PCDH15: variants seen among roughly 807,000 people sequenced by gnomAD.
PCDH15 encodes the protein protocadherin related 15.
Under a neutral mutation model 178.5 loss-of-function variants are expected in PCDH15, and 129 were observed. The ratio of observed to expected loss-of-function variants is 0.72; its 90% confidence interval spans 0.63 to 0.84. PCDH15 has a LOEUF of 0.84. Among genes scored for constraint, PCDH15 ranks in the 40% least tolerant of loss-of-function variants. The pLI, the probability that PCDH15 is intolerant of heterozygous loss-of-function variation, is 0.00. For synonymous variants in PCDH15, 800 were observed against 732.0 expected (o/e 1.09, Z -1.50); for missense variants, 2,230 against 2,099.9 (o/e 1.06, Z -1.21).
At chr10:54,596,758 G>T (rs2092261483) in intron 2 of PCDH15, among the ~76,000 whole-genome samples, 1 of 151,988 alleles carries the variant, frequency 6.6e-6, no homozygotes, top group South Asian at 2.1e-4. Context: ...AAAAAAATCT[G>T]CCATGCAAAG....
intron 10 of PCDH15, among the ~76,000 whole-genome samples, chr10:54,208,769 C>T (rs2051092036): frequency 6.6e-6 from 1 of 151,918 alleles, no homozygotes; most frequent in Non-Finnish European, 1.5e-5. Flanking sequence ...GTGTTTCATT[C>T]TTGCCATAAG....
intron 2 of PCDH15, among the ~76,000 whole-genome samples, chr10:55,578,227 TA>T (rs1447322698): frequency 2.0e-4 from 30 of 152,218 alleles, no homozygotes; most frequent in Admixed American, 1.1e-3. Context: ...TTTATTTTAT[TA>T]TTTTTTTGAG....
rs185084457 is a variant in PCDH15, at chr10:53,903,036, C to T, written c.3501+207G>A. Among the ~76,000 whole-genome samples the T allele has an allele frequency of 0.02, 3,020 of 152,112 alleles. 96 individuals are homozygous for T. The highest frequency in any genetic ancestry group is 0.065 in the African/African-American group (2,718 of 41,526). ...ATCGTAAGTATTTTGTTACCATTTTCATAGTAAAATGAAACTCAAGAAGTT... is the reference window on the plus strand; with the variant it reads ...ATCGTAAGTATTTTGTTACCATTTTTATAGTAAAATGAAACTCAAGAAGTT... On this transcript the variant is annotated intron_variant, in intron 26 of 37. Coordinates refer to ENST00000644397, the MANE Select transcript of PCDH15 (RefSeq NM_001384140.1).
chr10:54,317,872 G>C (rs2061376240), intron 7 of PCDH15, among the ~76,000 whole-genome samples: 1 of 152,212 alleles, frequency 6.6e-6, no homozygotes, highest in African/African-American at 2.4e-5. Flanking sequence ...ACAGTTTTAA[G>C]TGGTTGAGTC....
At chr10:54,206,096 C>G (rs909184080) in intron 10 of PCDH15, among the ~76,000 whole-genome samples, 1 of 152,060 alleles carries the variant, frequency 6.6e-6, no homozygotes, top group African/African-American at 2.4e-5. Flanking sequence ...TACTTTCTAT[C>G]TTCACTTCAA....
intron 1 of PCDH15, among the ~76,000 whole-genome samples, chr10:55,313,811 A>AT (rs1489637291): frequency 6.6e-6 from 1 of 152,158 alleles, no homozygotes; most frequent in African/African-American, 2.4e-5. Context: ...TGGACCAATT[A>AT]TGTTGAAAAA....
chr10:54,834,310 T>A (rs1190135553), intron 3 of PCDH15, among the ~76,000 whole-genome samples: 1 of 151,656 alleles, frequency 6.6e-6, no homozygotes, highest in Non-Finnish European at 1.5e-5. Context: ...CTGCCTTAGC[T>A]TCCCAAGTAG....
intron 8 of PCDH15, 103 bp downstream of exon 8, chr10:54,317,168 T>C (rs1422430903): frequency 3.2e-6 from 4 of 1,253,132 alleles, no homozygotes; most frequent in Non-Finnish European, 4.6e-6. Flanking sequence ...GTGCATATAC[T>C]GAGTTTTGCT....
At chr10:55,240,107 A>G (rs1841500544) in intron 1 of PCDH15, among the ~76,000 whole-genome samples, 1 of 152,182 alleles carries the variant, frequency 6.6e-6, no homozygotes, top group Non-Finnish European at 1.5e-5. Context: ...CCCACTGTGA[A>G]TAACAGTGTG....
At chr10:54,605,565 G>A (rs1336901824) in intron 2 of PCDH15, 2 of 152,068 alleles carry the variant, frequency 1.3e-5, no homozygotes, top group African/African-American at 4.8e-5. Context: ...GCTTTCAGTG[G>A]TCTCTGGGTG....
chr10:54,560,093 A>G (rs2087900942), intron 2 of PCDH15, among the ~76,000 whole-genome samples: 1 of 151,992 alleles, frequency 6.6e-6, no homozygotes. Flanking sequence ...TTGAGCTTTG[A>G]GAATTTAGGC....
intron 2 of PCDH15, among the ~76,000 whole-genome samples, chr10:54,573,187 A>G (rs759371042): frequency 8.5e-5 from 13 of 152,124 alleles, no homozygotes; most frequent in African/African-American, 1.2e-4. Context: ...AATTCTTGCC[A>G]AATCTCCTTC....
chr10:54,234,762 A>C (rs1338645545), intron 9 of PCDH15, among the ~76,000 whole-genome samples: 1 of 152,174 alleles, frequency 6.6e-6, no homozygotes, highest in East Asian at 1.9e-4. Flanking sequence ...GTGACAGCAA[A>C]TAATTGTAAG....
At chr10:54,317,211 C>G in intron 8 of PCDH15, 60 bp downstream of exon 8, 1 of 1,539,254 alleles carries the variant, frequency 6.5e-7, no homozygotes, top group Non-Finnish European at 9.0e-7. Flanking sequence ...AATACTTGAA[C>G]ATGATCCCAT....
intron 9 of PCDH15, among the ~76,000 whole-genome samples, chr10:54,233,567 C>T (rs1027874412): frequency 3.9e-5 from 6 of 152,156 alleles, no homozygotes; most frequent in Admixed American, 1.3e-4. Flanking sequence ...TACTGAAGAA[C>T]ATTCTAGGTG....
chr10:53,969,865 A>G (rs2089485480), intron 21 of PCDH15, among the ~76,000 whole-genome samples: 1 of 152,192 alleles, frequency 6.6e-6, no homozygotes, highest in Non-Finnish European at 1.5e-5. Context: ...GGAAGCACTA[A>G]ACATGGAAAG....
At chr10:55,162,797 C>T (rs907160295) in intron 2 of PCDH15, among the ~76,000 whole-genome samples, 3 of 152,082 alleles carry the variant, frequency 2.0e-5, no homozygotes, top group African/African-American at 7.2e-5. Context: ...TGCAGTAGAA[C>T]CTACTATGGC....
intron 1 of PCDH15, among the ~76,000 whole-genome samples, chr10:55,261,589 A>T (rs1234576059): frequency 6.6e-6 from 1 of 152,196 alleles, no homozygotes; most frequent in African/African-American, 2.4e-5. Flanking sequence ...AAACAAATAC[A>T]TCCATATAAT....
chr10:53,957,527 C>T (rs533967609), intron 23 of PCDH15, among the ~76,000 whole-genome samples: 2 of 127,276 alleles, frequency 1.6e-5, no homozygotes, highest in East Asian at 5.0e-4. Context: ...CCTGATAACC[C>T]AGACAGTTAC....
Sources: allele counts gnomAD v4.1 joint callset (sites outside exome capture counted in the v4.1 genomes callset), GRCh38; gene constraint gnomAD v4.1.1; transcripts MANE v1.5; gene names NCBI Gene and HGNC (gene_info 2026-07-23, HGNC 2026-07-21).